The following WWOX variants were observed in gnomAD, a reference collection of about 807,000 sequenced individuals.
WWOX encodes the protein WW domain-containing oxidoreductase.
A neutral mutation model predicts 46.2 loss-of-function variants in WWOX; 69 were observed. The observed-to-expected ratio is 1.49, with a 90% CI of 1.23 to 1.82. The LOEUF (loss-of-function observed/expected upper bound fraction) is 1.82, where lower values mean the gene tolerates loss of function less well. WWOX is among the 40% of genes most tolerant of loss of function. The pLI is 0.00. For missense variants in WWOX, 919 were observed against 542.6 expected, an observed-to-expected ratio of 1.69 and a Z score of -6.89; for synonymous variants, 359 against 202.6, an observed-to-expected ratio of 1.77 and a Z score of -6.56.
chr16:78,371,631 G>C (rs1309830340), intron 5 of WWOX, among the ~76,000 whole-genome samples: 1 of 151,996 alleles, frequency 6.6e-6, no homozygotes, highest in Admixed American at 6.5e-5. Context: ...GTTCATGATT[G>C]TTATATATTC....
At chr16:78,109,146 C>T (rs952591039) in intron 2 of WWOX, among the ~76,000 whole-genome samples, 2 of 152,048 alleles carry the variant, frequency 1.3e-5, no homozygotes, top group Non-Finnish European at 2.9e-5. Context: ...TAAAGATTAC[C>T]ATGACTTCTA....
intron 5 of WWOX, among the ~76,000 whole-genome samples, chr16:78,284,320 A>G (rs992490253): frequency 3.9e-5 from 6 of 152,076 alleles, no homozygotes; most frequent in Non-Finnish European, 7.4e-5. Flanking sequence ...AAATGGAATG[A>G]TTTTCTTAAG....
chr16:78,785,101 A>C (rs1162063104), intron 8 of WWOX, among the ~76,000 whole-genome samples: 4 of 152,206 alleles, frequency 2.6e-5, no homozygotes, highest in Admixed American at 1.3e-4. Context: ...ACTGAGAAAT[A>C]ACATCCATAA....
intron 5 of WWOX, among the ~76,000 whole-genome samples, chr16:78,193,011 A>G (rs548234750): frequency 6.6e-6 from 1 of 152,342 alleles, no homozygotes; most frequent in Admixed American, 6.5e-5. Context: ...CCGTGGCTCC[A>G]CAGTCACGGG....
At position 78,986,437 on chromosome 16, in the gene WWOX, C is replaced by A. The variant is rs575292921; in HGVS notation, c.1057-225171C>A. 2.6e-4 allele frequency among the ~76,000 whole-genome samples: 39 copies of A among 152,214 alleles called. No individual in the cohort carries two copies. In the South Asian group the frequency reaches 8.1e-3, roughly 32 times the overall value. ...TGGTTTCCATTTTTAGACTCCAGGC[C>A]CACAGTATTCTAAGTAGGTTGGGGC... On this transcript the variant is annotated intron_variant, in intron 8 of 8. Transcript: ENST00000566780.
chr16:79,180,539 TA>T (rs2050889793), intron 8 of WWOX, among the ~76,000 whole-genome samples: 1 of 152,130 alleles, frequency 6.6e-6, no homozygotes, highest in Non-Finnish European at 1.5e-5. Flanking sequence ...GGGAAGGAGA[TA>T]GGGGCAGGAG....
At chr16:78,519,894 G>C (rs1042590922) in intron 8 of WWOX, among the ~76,000 whole-genome samples, 4 of 152,054 alleles carry the variant, frequency 2.6e-5, no homozygotes, top group African/African-American at 9.7e-5. Context: ...TACTATTTTG[G>C]GATCGCAGCG....
At chr16:78,700,911 T>C (rs1372402163) in intron 8 of WWOX, among the ~76,000 whole-genome samples, 1 of 152,150 alleles carries the variant, frequency 6.6e-6, no homozygotes, top group Non-Finnish European at 1.5e-5. Context: ...GAAAATCATC[T>C]CAAAAGGCAG....
At chr16:78,147,011 T>C (rs778304458) in intron 4 of WWOX, among the ~76,000 whole-genome samples, 5 of 152,206 alleles carry the variant, frequency 3.3e-5, no homozygotes, top group Non-Finnish European at 7.3e-5. Flanking sequence ...TGAGATGGTG[T>C]CAGCATTATT....
At chr16:78,933,473 A>C (rs547546418) in intron 8 of WWOX, among the ~76,000 whole-genome samples, 71 of 152,350 alleles carry the variant, frequency 4.7e-4, no homozygotes, top group African/African-American at 1.7e-3. Flanking sequence ...CAAGATGTTG[A>C]CATAACAGTT....
rs80133618 is a variant in WWOX at position 79,189,079 on chromosome 16, A to G, written c.1057-22529A>G. Among the ~76,000 whole-genome samples, 19 of 152,302 alleles carry G rather than the reference A, an allele frequency of 1.2e-4. No individual in the cohort carries two copies. The East Asian group carries it at 3.3e-3, about 26-fold the overall frequency. ...AAAAAAAATACAGATACGTGTATATATAGAGAAAGACAAAAACTTGTCTGC... is the reference window on the plus strand; with the variant it reads ...AAAAAAAATACAGATACGTGTATATGTAGAGAAAGACAAAAACTTGTCTGC... On this transcript the variant is annotated intron_variant, in intron 8 of 8. Coordinates refer to ENST00000566780, the MANE Select transcript of WWOX (RefSeq NM_016373.4).
At chr16:78,689,249 T>C (rs193014167) in intron 8 of WWOX, among the ~76,000 whole-genome samples, 17 of 152,324 alleles carry the variant, frequency 1.1e-4, no homozygotes, top group African/African-American at 3.6e-4. Flanking sequence ...TACGTCACCA[T>C]TGGAAGGTTG....
At chr16:78,910,944 C>T (rs1444375151) in intron 8 of WWOX, among the ~76,000 whole-genome samples, 2 of 151,998 alleles carry the variant, frequency 1.3e-5, no homozygotes, top group Non-Finnish European at 2.9e-5. Flanking sequence ...GCCTTTCCAT[C>T]ATGTTTACAT....
chr16:78,968,373 A>G (rs2046405313), intron 8 of WWOX, among the ~76,000 whole-genome samples: 1 of 152,174 alleles, frequency 6.6e-6, no homozygotes, highest in South Asian at 2.1e-4. Context: ...TTTTGTGTAG[A>G]TGGAGATAAA....
intron 8 of WWOX, among the ~76,000 whole-genome samples, chr16:78,989,385 G>A (rs11645258): frequency 0.85 from 129,354 of 152,170 alleles, 55,049 homozygotes; most frequent in Middle Eastern, 0.92. Flanking sequence ...GAATGGCCCT[G>A]ATGCAGTCAA....
intron 8 of WWOX, among the ~76,000 whole-genome samples, chr16:78,794,837 C>T (rs2050696269): frequency 6.6e-6 from 1 of 152,210 alleles, no homozygotes; most frequent in African/African-American, 2.4e-5. Flanking sequence ...ACAGAACTGC[C>T]AACTGTGGCT....
chr16:78,315,377 G>C (rs955088415), intron 5 of WWOX, among the ~76,000 whole-genome samples: 1 of 152,132 alleles, frequency 6.6e-6, no homozygotes, highest in Non-Finnish European at 1.5e-5. Flanking sequence ...TGCTGAGTGA[G>C]GTGGCTCAAG....
intron 4 of WWOX, among the ~76,000 whole-genome samples, chr16:78,156,107 C>T (rs1315816664): frequency 6.6e-6 from 1 of 152,102 alleles, no homozygotes; most frequent in South Asian, 2.1e-4. Context: ...GATGTAAGAA[C>T]CAGAGTGTAA....
At chr16:78,904,813 A>G (rs149190362) in intron 8 of WWOX, among the ~76,000 whole-genome samples, 432 of 152,238 alleles carry the variant, frequency 2.8e-3, no homozygotes, top group African/African-American at 9.8e-3. Context: ...ACTTAGTTCT[A>G]TGTTACTGAA....
Sources: gnomAD v4.1 joint callset for allele counts (sites outside exome capture counted in the v4.1 genomes callset) on GRCh38, gnomAD v4.1.1 for gene constraint, MANE v1.5 for transcripts, NCBI Gene and HGNC (gene_info 2026-07-23, HGNC 2026-07-21) for gene names.